The following PATJ variants were observed in gnomAD, a reference collection of about 807,000 sequenced individuals.
PATJ encodes PATJ crumbs cell polarity complex component, also known as inaD-like protein.
In PATJ, 190 loss-of-function variants were observed where a neutral mutation model predicts 224.9. That is an observed-to-expected ratio of 0.84 (90% CI 0.75 to 0.95). The LOEUF is 0.95. Among genes scored for constraint, PATJ ranks in the 40% least tolerant of loss-of-function variants. PATJ has a pLI of 0.00. For missense variants in PATJ, 2,121 were observed against 2,270.3 expected, an observed-to-expected ratio of 0.93 and a Z score of 1.34; for synonymous variants, 769 against 820.3, an observed-to-expected ratio of 0.94 and a Z score of 1.07.
intron 32 of PATJ, among the ~76,000 whole-genome samples, chr1:62,083,270 A>G (rs375155148): frequency 3.9e-4 from 59 of 152,272 alleles, no homozygotes; most frequent in East Asian, 3.1e-3. Flanking sequence ...GATTACAGGC[A>G]TGAACCACGC....
At chr1:62,144,404 T>G (rs951165469) in intron 41 of PATJ, among the ~76,000 whole-genome samples, 22 of 152,172 alleles carry the variant, frequency 1.4e-4, no homozygotes, top group African/African-American at 5.1e-4. Context: ...AAGCTTAATT[T>G]AGCATTTTAG....
At chr1:62,048,473 G>A (rs1382283438) in intron 30 of PATJ, among the ~76,000 whole-genome samples, 2 of 146,508 alleles carry the variant, frequency 1.4e-5, no homozygotes, top group Admixed American at 1.4e-4. Context: ...TTGAACCCAG[G>A]AGGCAGAAGT....
At chr1:62,157,315 C>T (rs1222092190) in intron 43 of PATJ, among the ~76,000 whole-genome samples, 1 of 149,138 alleles carries the variant, frequency 6.7e-6, no homozygotes, top group Non-Finnish European at 1.5e-5. Context: ...CAGAGCAAGA[C>T]TCCATCTCAA....
chr1:61,858,412 C>T (rs1266401334), intron 18 of PATJ, among the ~76,000 whole-genome samples: 2 of 152,178 alleles, frequency 1.3e-5, no homozygotes, highest in South Asian at 2.1e-4. Context: ...CAGGCGCTCA[C>T]CACCACGCTC....
At chr1:61,825,972 T>G (rs898575172) in intron 15 of PATJ, among the ~76,000 whole-genome samples, 3 of 152,166 alleles carry the variant, frequency 2.0e-5, no homozygotes, top group Non-Finnish European at 4.4e-5. Flanking sequence ...CAGTGATGGG[T>G]ACCTCCCTGC....
chr1:61,783,490 G>A (rs955390790), intron 7 of PATJ, among the ~76,000 whole-genome samples: 2 of 145,292 alleles, frequency 1.4e-5, no homozygotes, highest in Non-Finnish European at 3.0e-5. Context: ...GTGCAGTGGT[G>A]CGATCCTAGC....
At chr1:62,016,793 A>G (rs1463694546) in intron 28 of PATJ, among the ~76,000 whole-genome samples, 1 of 152,198 alleles carries the variant, frequency 6.6e-6, no homozygotes, top group African/African-American at 2.4e-5. Context: ...CAGGGATATA[A>G]TATTTACCTT....
intron 20 of PATJ, among the ~76,000 whole-genome samples, chr1:61,867,798 A>G (rs1665658416): frequency 6.6e-6 from 1 of 152,116 alleles, no homozygotes; most frequent in Non-Finnish European, 1.5e-5. Context: ...GGGCTTGAAT[A>G]TTTGCCCCCA....
In PATJ at chr1:61,805,479, G is replaced by A; in HGVS notation, c.1581G>A (p.Leu527=). ...TCCCAGACTCTCCAGAAAATGAGCTGAAATCCAGATGGGAAAACCTGTTGG... is the reference window on the plus strand; with the variant it reads ...TCCCAGACTCTCCAGAAAATGAGCTAAAATCCAGATGGGAAAACCTGTTGG... The part of the protein sequence containing the change: ...EKVPDSPENE[L]KSRWENLLGP... Residue 527 remains leucine (L), a synonymous_variant, in exon 13 of 44, where the codon CTG becomes CTA. Transcript: ENST00000642238. 6.2e-7 allele frequency: 1 copy of A among 1,607,956 alleles called. No individual in the cohort carries two copies. Among genetic ancestry groups the A allele is most frequent in the Non-Finnish European group, 8.5e-7 (1 of 1,174,630 alleles).
chr1:61,952,166 G>T, intron 27 of PATJ: 1 of 481,100 alleles, frequency 2.1e-6, no homozygotes. Context: ...TGACTGTTTA[G>T]CTTGAGGACT....
intron 1 of PATJ, among the ~76,000 whole-genome samples, chr1:61,759,410 CTTTTT>C (rs56222334): frequency 7.7e-6 from 1 of 130,102 alleles, no homozygotes; most frequent in Non-Finnish European, 1.6e-5. Flanking sequence ...ATTTTAATTG[CTTTTT>C]TTTTTTTTTT....
intron 29 of PATJ, among the ~76,000 whole-genome samples, chr1:62,032,038 G>GT (rs1437897217): frequency 4.6e-5 from 7 of 152,124 alleles, no homozygotes; most frequent in Non-Finnish European, 7.4e-5. Flanking sequence ...AACAATACCT[G>GT]TTTATTGGCT....
chr1:61,930,949 C>T (rs984879887), intron 27 of PATJ, among the ~76,000 whole-genome samples: 8 of 152,262 alleles, frequency 5.3e-5, no homozygotes, highest in East Asian at 1.9e-4. Flanking sequence ...GTGATCCGCC[C>T]GCCTCGACCT....
chr1:61,977,682 C>T (rs2498975), intron 27 of PATJ, among the ~76,000 whole-genome samples: 28,211 of 151,376 alleles, frequency 0.19, 2,877 homozygotes, highest in Non-Finnish European at 0.22. Flanking sequence ...TCCACTGTGC[C>T]GGCTGGCATT....
chr1:61,919,278 A>G (rs1034803367), intron 26 of PATJ, among the ~76,000 whole-genome samples: 4 of 151,678 alleles, frequency 2.6e-5, no homozygotes, highest in Non-Finnish European at 4.4e-5. Flanking sequence ...TTTCTTGTCT[A>G]AAATAATCAT....
chr1:61,864,786 G>T (rs1665148696), intron 20 of PATJ, among the ~76,000 whole-genome samples, 153 bp downstream of exon 20: 1 of 152,316 alleles, frequency 6.6e-6, no homozygotes, highest in Non-Finnish European at 1.5e-5. Flanking sequence ...GTGTCTAGCT[G>T]TAAGTATAAG....
chr1:61,813,334 C>CATATATAT (rs747640923), intron 14 of PATJ, among the ~76,000 whole-genome samples: 68 of 62,934 alleles, frequency 1.1e-3, no homozygotes, highest in Non-Finnish European at 1.3e-3. Flanking sequence ...ATGGAATGTA[C>CATATATAT]ATATATATAT....
intron 9 of PATJ, 102 bp from the exon 10 acceptor site, chr1:61,795,365 C>T (rs1461889696): frequency 3.4e-6 from 2 of 595,208 alleles, no homozygotes; most frequent in East Asian, 2.9e-5. Context: ...TTTATCAAAC[C>T]TCCAGTCAAC....
intron 7 of PATJ, among the ~76,000 whole-genome samples, chr1:61,777,724 T>TTTTTTTTTTTTTTTTTTTTTC (rs765662896): frequency 4.1e-4 from 44 of 106,038 alleles, no homozygotes; most frequent in African/African-American, 8.6e-4. Flanking sequence ...TTTTTTTTTT[T>TTTTTTTTTTTTTTTTTTTTTC]TTTAGCATAG....
Sources: allele counts gnomAD v4.1 joint callset (sites outside exome capture counted in the v4.1 genomes callset), GRCh38; gene constraint gnomAD v4.1.1; transcripts MANE v1.5; gene names NCBI Gene and HGNC (gene_info 2026-07-23, HGNC 2026-07-21).